The following SPECC1L variants were observed in gnomAD, a reference collection of about 807,000 sequenced individuals.
SPECC1L encodes sperm antigen with calponin homology and coiled-coil domains 1 like, also known as cytospin-A.
In SPECC1L, 40 loss-of-function variants were observed where a neutral mutation model predicts 116.8. The observed-to-expected ratio is 0.34, with a 90% confidence interval of 0.27 to 0.45. The LOEUF (loss-of-function observed/expected upper bound fraction) is 0.45, where lower values mean the gene tolerates loss of function less well. Among genes scored for constraint, SPECC1L ranks in the 20% least tolerant of loss-of-function variants. SPECC1L has a pLI of 1.00. For missense variants in SPECC1L, 1,110 were observed against 1,373.6 expected (o/e 0.81, Z 3.03); for synonymous variants, 504 against 500.6 (o/e 1.01, Z -0.09).
At chr22:24,365,428 A>T in intron 12 of SPECC1L, 48 bp from the exon 13 acceptor site, 1 of 1,585,042 alleles carries the variant, frequency 6.3e-7, no homozygotes, top group Non-Finnish European at 8.6e-7. Context: ...TCAAGAACTC[A>T]GTCTAAAATG....
chr22:24,287,380 C>T (rs2146354919), intron 2 of SPECC1L, among the ~76,000 whole-genome samples: 1 of 152,162 alleles, frequency 6.6e-6, no homozygotes, highest in East Asian at 1.9e-4. Flanking sequence ...ACAGCTGTGG[C>T]ACAGAAGGAT....
At chr22:24,403,561 G>A (rs1255810016) in intron 14 of SPECC1L, among the ~76,000 whole-genome samples, 1 of 152,180 alleles carries the variant, frequency 6.6e-6, no homozygotes, top group African/African-American at 2.4e-5. Context: ...TCCATCAGAA[G>A]CTGTCTCTGT....
chr22:24,353,641 C>G (rs1348407242), intron 11 of SPECC1L, among the ~76,000 whole-genome samples: 1 of 151,920 alleles, frequency 6.6e-6, no homozygotes, highest in Non-Finnish European at 1.5e-5. Context: ...CTCCTGACCT[C>G]AGGTGATCCG....
At chr22:24,413,449 C>A (rs2042740405) in intron 16 of SPECC1L, among the ~76,000 whole-genome samples, 1 of 152,182 alleles carries the variant, frequency 6.6e-6, no homozygotes, top group South Asian at 2.1e-4. Context: ...AGTCCAAGCC[C>A]CAAACAGTCC....
At chr22:24,411,367 G>A (rs551276813) in intron 14 of SPECC1L, among the ~76,000 whole-genome samples, 3 of 152,070 alleles carry the variant, frequency 2.0e-5, no homozygotes, top group Non-Finnish European at 4.4e-5. Flanking sequence ...GTTATACCAG[G>A]CCCAGGCGTG....
intron 14 of SPECC1L, among the ~76,000 whole-genome samples, chr22:24,383,436 G>A (rs1292330208): frequency 6.6e-6 from 1 of 152,042 alleles, no homozygotes; most frequent in East Asian, 1.9e-4. Context: ...AATTAAAATA[G>A]GCATGCCAAT....
Position 24,302,182 on chromosome 22 carries a change from T to C in SPECC1L, c.-37-13T>C. 1 of 1,607,488 alleles carries C rather than the reference T, an allele frequency of 6.2e-7. No homozygotes were observed. The highest frequency in any genetic ancestry group is 8.5e-7 in the Non-Finnish European group (1 of 1,175,330). On this transcript the variant is annotated splice_polypyrimidine_tract_variant and intron_variant, in intron 2 of 16. Coordinates refer to ENST00000314328, the MANE Select transcript of SPECC1L (RefSeq NM_015330.6). ...AGTTATGTTCTCAGTGTAATGCCAT[T>C]TTTTTCCCACAGATTTGCTTGTAAA...
rs62233969 is a variant in SPECC1L at position 24,371,883 on chromosome 22, A to G, written c.3087+2563A>G. On this transcript the variant is annotated intron_variant, in intron 14 of 16. Transcript: ENST00000314328. ...ATTACAAACGTGTGCTATCATGCCCAGCTAATTTTTGTATTTTAGTAGAGA... is the reference window on the plus strand; with the variant it reads ...ATTACAAACGTGTGCTATCATGCCCGGCTAATTTTTGTATTTTAGTAGAGA... Among the ~76,000 whole-genome samples, 1,126 of 152,214 alleles carry G rather than the reference A, an allele frequency of 7.4e-3. 6 individuals are homozygous for G. Among genetic ancestry groups the G allele is most frequent in the South Asian group, 0.013 (61 of 4,820 alleles).
chr22:24,376,550 T>G lies in SPECC1L; in HGVS notation c.3087+7230T>G, dbSNP rs534923303. Among the ~76,000 whole-genome samples, 58 of 152,312 alleles carry G rather than the reference T, an allele frequency of 3.8e-4. 3 individuals carry two copies. In the South Asian group the frequency reaches 0.012, roughly 30 times the overall value. On this transcript the variant is annotated intron_variant, in intron 14 of 16. Coordinates refer to ENST00000314328, the MANE Select transcript of SPECC1L (RefSeq NM_015330.6). ...TACACTGAAAAATACAAAACATTGC[T>G]GAAAGAAATTAAAATCTAAATAAAT...
chr22:24,405,589 C>A (rs2042572970), intron 14 of SPECC1L, among the ~76,000 whole-genome samples: 1 of 152,056 alleles, frequency 6.6e-6, no homozygotes, highest in Non-Finnish European at 1.5e-5. Flanking sequence ...CCTGTAATCC[C>A]AACATTTTGG....
At chr22:24,291,777 A>G (rs2049161415) in intron 2 of SPECC1L, among the ~76,000 whole-genome samples, 1 of 152,206 alleles carries the variant, frequency 6.6e-6, no homozygotes, top group Admixed American at 6.5e-5. Context: ...TTTAAAATGA[A>G]GAAACAGATT....
intron 15 of SPECC1L, 92 bp downstream of exon 15, chr22:24,411,796 C>T: frequency 9.4e-7 from 1 of 1,066,432 alleles, no homozygotes; most frequent in South Asian, 1.2e-5. Context: ...GGTCACATGC[C>T]ACAGCGCTGG....
intron 3 of SPECC1L, among the ~76,000 whole-genome samples, chr22:24,310,686 C>T (rs2040445649): frequency 1.3e-5 from 2 of 151,928 alleles, no homozygotes; most frequent in African/African-American, 2.4e-5. Context: ...TTTTTCCCCT[C>T]AATTTTAAAG....
At position 24,347,077 on chromosome 22, in the gene SPECC1L, T is replaced by C. The variant is rs761352745; in HGVS notation, c.2653-9T>C. The C allele has an allele frequency of 1.3e-5, 21 of 1,610,470 alleles. No homozygotes were observed. Among genetic ancestry groups the C allele is most frequent in the Admixed American group, 1.7e-5 (1 of 60,002 alleles). Reference sequence around the variant, plus strand: ...TTTAACTTTGATGTTGTTTATCTTATGATTTCAGAGACATTCCATAAGTGG... The same window carrying C: ...TTTAACTTTGATGTTGTTTATCTTACGATTTCAGAGACATTCCATAAGTGG... On this transcript the variant is annotated splice_polypyrimidine_tract_variant and intron_variant, in intron 10 of 16. Transcript: ENST00000314328.
intron 3 of SPECC1L, among the ~76,000 whole-genome samples, chr22:24,306,331 AATAC>A (rs934167179): frequency 6.6e-5 from 10 of 150,666 alleles, no homozygotes; most frequent in African/African-American, 9.8e-5. Context: ...ATTGTGGAAA[AATAC>A]ATACAACATT....
chr22:24,313,606 C>T (rs958655236), intron 4 of SPECC1L, 140 bp downstream of exon 4: 23 of 941,712 alleles, frequency 2.4e-5, no homozygotes, highest in African/African-American at 8.2e-5. Flanking sequence ...CAGCCCAATA[C>T]GCTCATCACC....
At chr22:24,353,654 C>T (rs1351381348) in intron 11 of SPECC1L, among the ~76,000 whole-genome samples, 1 of 151,976 alleles carries the variant, frequency 6.6e-6, no homozygotes, top group Admixed American at 6.6e-5. Context: ...GTGATCCGCC[C>T]ACCTCGACCT....
At chr22:24,371,836 C>T (rs1337098381) in intron 14 of SPECC1L, among the ~76,000 whole-genome samples, 1 of 152,202 alleles carries the variant, frequency 6.6e-6, no homozygotes, top group Non-Finnish European at 1.5e-5. Flanking sequence ...ATTCTTCTGC[C>T]TCAGCCTCTC....
chr22:24,399,888 C>A (rs1601350320), intron 14 of SPECC1L, among the ~76,000 whole-genome samples: 1 of 152,290 alleles, frequency 6.6e-6, no homozygotes, highest in South Asian at 2.1e-4. Flanking sequence ...AGAAATATAT[C>A]TATTTTTACA....
Sources: allele counts gnomAD v4.1 joint callset (sites outside exome capture counted in the v4.1 genomes callset), GRCh38; gene constraint gnomAD v4.1.1; transcripts MANE v1.5; gene names NCBI Gene and HGNC (gene_info 2026-07-23, HGNC 2026-07-21).